GRK1: variants seen among roughly 807,000 people sequenced by gnomAD.
GRK1 encodes rhodopsin kinase GRK1.
In GRK1, 28 loss-of-function variants were observed where a neutral mutation model predicts 41.7. The ratio of observed to expected loss-of-function variants is 0.67; its 90% CI spans 0.50 to 0.92. The LOEUF (loss-of-function observed/expected upper bound fraction) is 0.92. GRK1 is among the 40% of genes least tolerant of loss of function. The pLI, the probability that GRK1 is intolerant of heterozygous loss-of-function variation, is 0.00. For missense variants in GRK1, 703 were observed against 671.2 expected (o/e 1.05, Z -0.52); for synonymous variants, 327 against 286.7 (o/e 1.14, Z -1.42).
At chr13:113,672,418 G>GTGTC (rs1947508767) in intron 3 of GRK1, among the ~76,000 whole-genome samples, 1 of 151,924 alleles carries the variant, frequency 6.6e-6, no homozygotes, top group South Asian at 2.1e-4. Context: ...GGAATGTGGT[G>GTGTC]TGTTCGTGGT....
Position 113,735,255 on chromosome 13 carries a change from T to C in GRK1, c.1584T>C (p.Phe528=), listed in dbSNP as rs911596123. 1.3e-5 allele frequency: 20 copies of C among 1,536,920 alleles called. No individual in the cohort carries two copies. The African/African-American group carries it at 2.1e-4, about 16-fold the overall frequency. The change falls in exon 7 of 7, where the codon TTT becomes TTC. Residue 528 remains phenylalanine, a synonymous_variant. Coordinates refer to ENST00000335678, the MANE Select transcript of GRK1 (RefSeq NM_002929.3). ...AGGAGATGATCGAGACGGGCATCTT[T>C]GGCGAGCTGAACGTGTGGCGCTCGG... is the stretch of plus-strand genomic sequence containing the variant. ...WQEEMIETGI[F]GELNVWRSDG...
At chr13:113,650,289 G>C in the GRK1 span, 3 of 972,486 alleles carry the variant, frequency 3.1e-6, no homozygotes, top group Non-Finnish European at 4.8e-6. This position sits in a 1 kb window ranked among gnomAD's most constrained non-coding sequence, Gnocchi z 5.0. Context: ...AGTCAGGACC[G>C]GCTAAGTCAC....
In GRK1 at chr13:113,735,374, A is replaced by C. The variant is rs1177762686; in HGVS notation, c.*11A>C. On this transcript the variant is annotated 3_prime_UTR_variant, in exon 7 of 7. Coordinates refer to ENST00000335678, the MANE Select transcript of GRK1 (RefSeq NM_002929.3). ...TGTCTGGTTTCCTAGGTGACGCCCCAGAGTCCACGTGGAGGAAAAGGACCC... is the reference window on the plus strand; with the variant it reads ...TGTCTGGTTTCCTAGGTGACGCCCCCGAGTCCACGTGGAGGAAAAGGACCC... 1 of 1,479,914 alleles carries C rather than the reference A, an allele frequency of 6.8e-7. No homozygotes were observed. Among genetic ancestry groups the C allele is most frequent in the Non-Finnish European group, 9.0e-7 (1 of 1,116,440 alleles). The allele number at this position is 1,479,914 out of a possible 1,614,324, so 91.7% of individuals were successfully genotyped here. A position where few individuals can be genotyped will look rare whatever the true frequency, so the allele number is the denominator to read the frequency against.
intron 6 of GRK1, among the ~76,000 whole-genome samples, chr13:113,733,904 TGC>T (rs564362680): frequency 0.071 from 8,499 of 118,888 alleles, 455 homozygotes; most frequent in African/African-American, 0.15. Flanking sequence ...TGTGTATGTG[TGC>T]ATACAGTGTG....
the GRK1 span, among the ~76,000 whole-genome samples, chr13:113,659,638 G>T: frequency 6.6e-6 from 1 of 151,342 alleles, no homozygotes; most frequent in Non-Finnish European, 1.5e-5. Flanking sequence ...TCCCTATGTT[G>T]CCCAGACTGG....
At chr13:113,728,306 G>A (rs1246097219) in intron 4 of GRK1, among the ~76,000 whole-genome samples, 3 of 118,542 alleles carry the variant, frequency 2.5e-5, no homozygotes, top group African/African-American at 1.4e-4. Context: ...TACCCATGGC[G>A]ATGAGGAATA....
At chr13:113,668,209 C>T (rs995972151) in intron 1 of GRK1, 124 bp downstream of exon 1, 30 of 1,045,858 alleles carry the variant, frequency 2.9e-5, no homozygotes, top group Non-Finnish European at 4.1e-5. Context: ...CCTAAGGGAG[C>T]ATGCATGCCA....
chr13:113,654,804 G>T, the GRK1 span: 1 of 1,612,674 alleles, frequency 6.2e-7, no homozygotes, highest in African/African-American at 1.3e-5. Context: ...GCAACATCCC[G>T]GGCGCTTACC....
In GRK1 at chr13:113,667,249, G is replaced by C; in HGVS notation, c.-138G>C. 3.5e-6 allele frequency: 3 copies of C among 857,344 alleles called. No individual in the cohort carries two copies. Among genetic ancestry groups the C allele is most frequent in the Non-Finnish European group, 5.2e-6 (3 of 572,682 alleles). 53.1% of individuals were successfully genotyped at this position (857,344 alleles called of 1,614,324 possible). A position where few individuals can be genotyped will look rare whatever the true frequency, so the allele number is the denominator to read the frequency against. ...TCCCCAGGAACCCTCGACAGGGCCA[G>C]GGCGTCTCTCTCGTCCAGCAAGGGC... On this transcript the variant is annotated 5_prime_UTR_variant, in exon 1 of 7. Coordinates refer to ENST00000335678, the MANE Select transcript of GRK1 (RefSeq NM_002929.3). The surrounding 1 kb of genome is among the most constrained non-coding windows in gnomAD (Gnocchi z 7.5).
At chr13:113,649,223 C>T in the GRK1 span, 20 of 789,266 alleles carry the variant, frequency 2.5e-5, no homozygotes, top group Middle Eastern at 3.9e-4. This position sits in a 1 kb window ranked among gnomAD's most constrained non-coding sequence, Gnocchi z 4.7. Flanking sequence ...CAGATGTGGG[C>T]GCTTCTCTGG....
upstream of GRK1, among the ~76,000 whole-genome samples, chr13:113,665,381 C>T (rs140672232): frequency 1.7e-3 from 254 of 150,668 alleles, 1 homozygote; most frequent in Non-Finnish European, 2.9e-3. Flanking sequence ...CCCAGCTGTC[C>T]CAGGTGTGCC....
chr13:113,671,445 G>A lies in GRK1; in HGVS notation c.828-54G>A. 1.3e-6 allele frequency: 1 copy of A among 772,382 alleles called. No individual in the cohort carries two copies. The highest frequency in any genetic ancestry group is 2.4e-6 in the Non-Finnish European group (1 of 416,976). 47.8% of individuals were successfully genotyped at this position (772,382 alleles called of 1,614,324 possible). ...TGAGGCCCCAGCTCTGTCTTTCCAT[G>A]ATTTTACTCCCCATTAAACCCGGGG... On this transcript the variant is annotated intron_variant, in intron 2 of 6. Transcript: ENST00000335678. This position sits in a 1 kb window ranked among gnomAD's most constrained non-coding sequence, Gnocchi z 4.1.
chr13:113,731,528 G>A lies in GRK1; in HGVS notation c.1194+185G>A. The A allele has an allele frequency of 2.3e-6, 1 of 428,792 alleles. No homozygotes were observed. Among genetic ancestry groups the A allele is most frequent in the Non-Finnish European group, 3.1e-6 (1 of 321,338 alleles). 26.6% of individuals were successfully genotyped at this position (428,792 alleles called of 1,614,324 possible). On this transcript the variant is annotated intron_variant, in intron 5 of 6. Coordinates refer to ENST00000335678, the MANE Select transcript of GRK1 (RefSeq NM_002929.3). This position sits in a 1 kb window ranked among gnomAD's most constrained non-coding sequence, Gnocchi z 5.6. The stretch of plus-strand genomic sequence containing the variant: ...GGGCCATGCTGTTCTGTCTCAGTGG[G>A]TGACGCCCCCAGCCCCTGAGGCCTG...
At chr13:113,653,050 C>T in the GRK1 span, 5 of 1,611,654 alleles carry the variant, frequency 3.1e-6, no homozygotes, top group Admixed American at 1.7e-5. Context: ...TGATGCTGTC[C>T]TCCTGGGCTG....
Position 113,667,342 on chromosome 13 carries a change from T to C in GRK1, c.-45T>C. The C allele has an allele frequency of 6.7e-7, 1 of 1,485,148 alleles. No homozygotes were observed. Among genetic ancestry groups the C allele is most frequent in the Non-Finnish European group, 9.0e-7 (1 of 1,114,208 alleles). The allele number at this position is 1,485,148 out of a possible 1,614,324, so 92.0% of individuals were successfully genotyped here. A position where few individuals can be genotyped will look rare whatever the true frequency, so the allele number is the denominator to read the frequency against. On this transcript the variant is annotated 5_prime_UTR_variant, in exon 1 of 7. Coordinates refer to ENST00000335678, the MANE Select transcript of GRK1 (RefSeq NM_002929.3). This position sits in a 1 kb window ranked among gnomAD's most constrained non-coding sequence, Gnocchi z 7.5. ...GTCTGTGAACGCTCCCGGCTTGGCC[T>C]CGGCTGATGGGCCCTCACGCCTGAA...
At chr13:113,651,267 G>A in the GRK1 span, among the ~76,000 whole-genome samples, 11 of 152,350 alleles carry the variant, frequency 7.2e-5, no homozygotes, top group East Asian at 3.9e-4. Context: ...GCCTGAGATC[G>A]ATGCCAACTC....
the GRK1 span, chr13:113,650,463 G>C: frequency 3.1e-6 from 5 of 1,614,002 alleles, no homozygotes; most frequent in South Asian, 1.1e-5. The surrounding 1 kb of genome is among the most constrained non-coding windows in gnomAD (Gnocchi z 5.0). Flanking sequence ...CGTTGGGAGG[G>C]TAGTACTTGA....
In GRK1 at chr13:113,735,126, G is replaced by A; in HGVS notation, c.1455G>A (p.Gln485=). ...AAACTGTCTACGCAAAGGATATTCA[G>A]GACGTGGGTGCCTTTTCCACCGTCA... is the stretch of plus-strand genomic sequence containing the variant. ...DSKTVYAKDI[Q]DVGAFSTVKG... Residue 485 remains glutamine, a synonymous_variant, in exon 7 of 7, where the codon CAG becomes CAA. Transcript: ENST00000335678. The A allele has an allele frequency of 6.5e-7, 1 of 1,537,084 alleles. No individual in the cohort carries two copies. The highest frequency in any genetic ancestry group is 8.7e-7 in the Non-Finnish European group (1 of 1,146,806).
chr13:113,652,691 T>C, the GRK1 span: 8 of 721,646 alleles, frequency 1.1e-5, no homozygotes, highest in Non-Finnish European at 1.7e-5. Flanking sequence ...GTTTCAAATT[T>C]GTATCTAAGA....
Sources: allele counts gnomAD v4.1 joint callset (sites outside exome capture counted in the v4.1 genomes callset), GRCh38; gene constraint gnomAD v4.1.1; non-coding constraint Gnocchi (gnomAD v3.1); transcripts MANE v1.5; gene names NCBI Gene and HGNC (gene_info 2026-07-23, HGNC 2026-07-21).